PDE12: variants seen among roughly 807,000 people sequenced by gnomAD.
PDE12 encodes the protein 2',5'-phosphodiesterase 12.
PDE12 carries 26 observed loss-of-function variants against 45.4 expected under a neutral mutation model. That is an observed-to-expected ratio of 0.57 (90% CI 0.42 to 0.79). The LOEUF is 0.79. PDE12 is among the 30% of genes least tolerant of loss of function. The pLI, the probability that PDE12 is intolerant of heterozygous loss-of-function variation, is 0.00. For missense variants in PDE12, 668 were observed against 790.0 expected (o/e 0.85, Z 1.85); for synonymous variants, 283 against 323.9 (o/e 0.87, Z 1.36).
the PDE12 span, among the ~76,000 whole-genome samples, chr3:57,653,516 C>T: frequency 4.0e-3 from 607 of 151,948 alleles, 6 homozygotes; most frequent in African/African-American, 0.014. Flanking sequence ...GAGGCTGAGG[C>T]GGGCAGATCG....
chr3:57,644,066 C>T, the PDE12 span, among the ~76,000 whole-genome samples: 3,634 of 150,778 alleles, frequency 0.024, 68 homozygotes, highest in Non-Finnish European at 0.035. Context: ...AGGAGAATCT[C>T]GTGAACCCGG....
chr3:57,556,443 A>C lies in PDE12; in HGVS notation c.64A>C (p.Ser22Arg). 2.5e-6 allele frequency: 4 copies of C among 1,612,580 alleles called. No homozygotes were observed. Among genetic ancestry groups the C allele is most frequent in the Non-Finnish European group, 3.4e-6 (4 of 1,179,594 alleles). The change falls in exon 1 of 3, where the codon AGC becomes CGC. Residue 22 changes from serine (S) to arginine (R), a missense_variant. Transcript: ENST00000311180. The surrounding 1 kb of genome is among the most constrained non-coding windows in gnomAD (Gnocchi z 5.0). ...GATCCGGACGGCGGTGGAGAAGCTGAGCCGGGCTGAAGCGGGGAGCCAGAC... is the reference window on the plus strand; with the variant it reads ...GATCCGGACGGCGGTGGAGAAGCTGCGCCGGGCTGAAGCGGGGAGCCAGAC... ...RVIRTAVEKL[S>R]RAEAGSQTAA...
At chr3:57,573,724 C>A in the PDE12 span, among the ~76,000 whole-genome samples, 1 of 151,528 alleles carries the variant, frequency 6.6e-6, no homozygotes, top group Admixed American at 6.6e-5. Flanking sequence ...TGGGGTTACA[C>A]ACATGCACCA....
the PDE12 span, among the ~76,000 whole-genome samples, chr3:57,615,545 G>A: frequency 6.6e-6 from 1 of 152,064 alleles, no homozygotes; most frequent in African/African-American, 2.4e-5. Context: ...TATAGGCCAG[G>A]CGTGAGCCAG....
the PDE12 span, chr3:57,600,603 C>T: frequency 6.6e-6 from 1 of 151,854 alleles, no homozygotes; most frequent in Non-Finnish European, 1.5e-5. Flanking sequence ...TTTGTAGAGA[C>T]CAGCATGTTG....
the PDE12 span, among the ~76,000 whole-genome samples, chr3:57,574,980 G>A: frequency 6.6e-6 from 1 of 152,038 alleles, no homozygotes; most frequent in African/African-American, 2.4e-5. Context: ...TTCCTGAGTA[G>A]CTGGGATTAC....
rs1451921880 is a variant in PDE12, at chr3:57,564,444, G to A, written c.*4440G>A. The A allele has an allele frequency of 6.6e-6, 1 of 152,154 alleles. No individual in the cohort carries two copies. Among genetic ancestry groups the A allele is most frequent in the Middle Eastern group, 3.4e-3 (1 of 294 alleles). 9.4% of individuals were successfully genotyped at this position (152,154 alleles called of 1,614,324 possible). A position where few individuals can be genotyped will look rare whatever the true frequency, so the allele number is the denominator to read the frequency against. ...TGTCCAATTTATGTAATGAATGTATGTCAAAGCATTTATATAACACAGTCC... is the reference window on the plus strand; with the variant it reads ...TGTCCAATTTATGTAATGAATGTATATCAAAGCATTTATATAACACAGTCC... On this transcript the variant is annotated 3_prime_UTR_variant, in exon 3 of 3. Coordinates refer to ENST00000311180, the MANE Select transcript of PDE12 (RefSeq NM_177966.7).
the PDE12 span, among the ~76,000 whole-genome samples, chr3:57,633,705 A>G: frequency 6.6e-6 from 1 of 152,168 alleles, no homozygotes; most frequent in African/African-American, 2.4e-5. Flanking sequence ...CCTGGCCATC[A>G]TGGTGAAACC....
downstream of PDE12, among the ~76,000 whole-genome samples, chr3:57,567,031 C>T (rs1011818878): frequency 4.6e-5 from 7 of 152,040 alleles, no homozygotes; most frequent in Non-Finnish European, 1.0e-4. Context: ...ACAATGTGGT[C>T]GGGCACAGTG....
At chr3:57,618,615 T>TG in the PDE12 span, among the ~76,000 whole-genome samples, 1,927 of 124,890 alleles carry the variant, frequency 0.015, 56 homozygotes, top group African/African-American at 0.047. Context: ...GTGTTTTTTT[T>TG]TTTTTTTTTT....
the PDE12 span, chr3:57,634,786 A>C: frequency 2.6e-6 from 4 of 1,529,258 alleles, no homozygotes; most frequent in Non-Finnish European, 3.5e-6. Flanking sequence ...GAAGCAGCAT[A>C]AAGATTTTTA....
the PDE12 span, among the ~76,000 whole-genome samples, chr3:57,592,020 G>A: frequency 6.6e-6 from 1 of 152,120 alleles, no homozygotes; most frequent in Non-Finnish European, 1.5e-5. Flanking sequence ...AAAACCCACG[G>A]AACTGTACAC....
the PDE12 span, among the ~76,000 whole-genome samples, chr3:57,604,064 C>T: frequency 6.6e-5 from 10 of 151,946 alleles, no homozygotes. Context: ...GCTGAGATTA[C>T]AGGCGCCTGC....
downstream of PDE12, among the ~76,000 whole-genome samples, chr3:57,569,330 A>C (rs2069813272): frequency 6.6e-6 from 1 of 152,170 alleles, no homozygotes; most frequent in South Asian, 2.1e-4. Context: ...TTTTAGGGGT[A>C]AATGTGTCAA....
At chr3:57,594,326 G>T in the PDE12 span, among the ~76,000 whole-genome samples, 1 of 152,152 alleles carries the variant, frequency 6.6e-6, no homozygotes, top group Non-Finnish European at 1.5e-5. Context: ...GCCTCAATGT[G>T]ATCCTCCCAA....
At chr3:57,590,056 CTCCAGCCTG>C in the PDE12 span, among the ~76,000 whole-genome samples, 1,519 of 149,744 alleles carry the variant, frequency 0.01, 17 homozygotes, top group South Asian at 0.035. Flanking sequence ...TGCCACTGCA[CTCCAGCCTG>C]GGCAACAGAC....
chr3:57,632,448 G>A, the PDE12 span, among the ~76,000 whole-genome samples: 1 of 151,882 alleles, frequency 6.6e-6, no homozygotes, highest in East Asian at 1.9e-4. Context: ...GCCTCCCAAA[G>A]TGGCAGGCCT....
At chr3:57,606,417 C>T in the PDE12 span, among the ~76,000 whole-genome samples, 1 of 152,108 alleles carries the variant, frequency 6.6e-6, no homozygotes, top group African/African-American at 2.4e-5. Flanking sequence ...AATAAAGATG[C>T]TTTCAGACAT....
At chr3:57,597,046 C>A in the PDE12 span, 1 of 1,611,294 alleles carries the variant, frequency 6.2e-7, no homozygotes, top group South Asian at 1.1e-5. Context: ...TTTCCCAGGT[C>A]CCGCCTGACT....
Sources: gnomAD v4.1 joint callset for allele counts (sites outside exome capture counted in the v4.1 genomes callset) on GRCh38, gnomAD v4.1.1 for gene constraint, Gnocchi (gnomAD v3.1) non-coding constraint, MANE v1.5 for transcripts, NCBI Gene and HGNC (gene_info 2026-07-23, HGNC 2026-07-21) for gene names.